PIP5K1C: variants seen among roughly 807,000 people sequenced by gnomAD.
PIP5K1C encodes the protein phosphatidylinositol-4-phosphate 5-kinase type 1 gamma, also known as phosphatidylinositol 4-phosphate 5-kinase type-1 gamma.
In PIP5K1C, 45 loss-of-function variants were observed where a neutral mutation model predicts 80.1. The ratio of observed to expected loss-of-function variants is 0.56; its 90% CI spans 0.44 to 0.72. The LOEUF (loss-of-function observed/expected upper bound fraction) is 0.72. Ranked by LOEUF, PIP5K1C falls within the 30% of genes least tolerant of loss-of-function variation. The pLI is 0.00. For synonymous variants in PIP5K1C, 498 were observed against 420.1 expected, an observed-to-expected ratio of 1.19 and a Z score of -2.27; for missense variants, 753 against 954.6, an observed-to-expected ratio of 0.79 and a Z score of 2.78.
intron 9 of PIP5K1C, among the ~76,000 whole-genome samples, chr19:3,647,924 G>A (rs997035625): frequency 2.0e-5 from 3 of 152,238 alleles, no homozygotes; most frequent in African/African-American, 7.2e-5. Flanking sequence ...TTCGGCCTGA[G>A]TGACAGAGCG....
intron 1 of PIP5K1C, among the ~76,000 whole-genome samples, chr19:3,687,161 C>A (rs920598386): frequency 6.6e-6 from 1 of 152,158 alleles, no homozygotes; most frequent in Admixed American, 6.5e-5. Context: ...CCACTGCACT[C>A]CAGCCTGGGT....
intron 1 of PIP5K1C, among the ~76,000 whole-genome samples, chr19:3,683,511 T>G (rs938720454): frequency 6.6e-6 from 1 of 152,190 alleles, no homozygotes; most frequent in African/African-American, 2.4e-5. Context: ...GAGAACCCCA[T>G]GGCTTAGTCA....
At chr19:3,636,304 C>G in intron 16 of PIP5K1C, 1 of 854,630 alleles carries the variant, frequency 1.2e-6, no homozygotes, top group East Asian at 1.2e-4. Context: ...CGGGTGACCC[C>G]AGGAAGACCA....
chr19:3,647,162 T>G (rs1395473098), intron 10 of PIP5K1C, among the ~76,000 whole-genome samples, 176 bp downstream of exon 10: 1 of 86,528 alleles, frequency 1.2e-5, no homozygotes, highest in African/African-American at 5.0e-5. Context: ...GTGCAGGCAC[T>G]CACAGAGGAG....
chr19:3,695,368 C>T (rs928350696), intron 1 of PIP5K1C, among the ~76,000 whole-genome samples: 9 of 152,328 alleles, frequency 5.9e-5, no homozygotes, highest in African/African-American at 9.6e-5. Flanking sequence ...CAACCTGGGA[C>T]GGAGGGGGCA....
intron 1 of PIP5K1C, among the ~76,000 whole-genome samples, chr19:3,686,591 G>A (rs562711324): frequency 2.0e-5 from 3 of 151,734 alleles, no homozygotes; most frequent in African/African-American, 7.3e-5. Flanking sequence ...GATGGCGGGC[G>A]CCTGTAATCC....
At chr19:3,666,783 GCACA>G (rs1004264753) in intron 2 of PIP5K1C, among the ~76,000 whole-genome samples, 7 of 151,698 alleles carry the variant, frequency 4.6e-5, no homozygotes, top group African/African-American at 1.5e-4. Context: ...AGGCAAACAT[GCACA>G]CACACAAACG....
At chr19:3,653,713 A>G (rs2034529628) in intron 6 of PIP5K1C, 124 bp from the exon 7 acceptor site, 1 of 901,548 alleles carries the variant, frequency 1.1e-6, no homozygotes, top group African/African-American at 1.7e-5. Flanking sequence ...CTCTCCCCAG[A>G]AGCCCTCGGG....
chr19:3,651,689 C>G (rs2034456731), intron 8 of PIP5K1C, 137 bp downstream of exon 8: 1 of 879,688 alleles, frequency 1.1e-6, no homozygotes, highest in South Asian at 1.5e-5. Context: ...TGGCACAAGG[C>G]TCCCAGACTC....
At chr19:3,654,758 G>A (rs565601774) in intron 6 of PIP5K1C, among the ~76,000 whole-genome samples, 22 of 151,070 alleles carry the variant, frequency 1.5e-4, no homozygotes, top group African/African-American at 5.1e-4. Flanking sequence ...AGGTTGCAGT[G>A]AGCCGAGATT....
At position 3,630,196 on chromosome 19, in the gene PIP5K1C, A is replaced by G. The variant is rs1394479428; in HGVS notation, c.*2971T>C. 1 of 152,380 alleles carries G rather than the reference A, an allele frequency of 6.6e-6. No homozygotes were observed. The highest frequency in any genetic ancestry group is 1.5e-5 in the Non-Finnish European group (1 of 68,036). The allele number at this position is 152,380 out of a possible 1,614,324, so 9.4% of individuals were successfully genotyped here. On this transcript the variant is annotated 3_prime_UTR_variant, in exon 18 of 18. Transcript: ENST00000335312. ...CAAACAGGCGGATGCTTATTACCCG[A>G]TTTATTAGAGAGATCTCTAAAAAGA...
intron 1 of PIP5K1C, among the ~76,000 whole-genome samples, chr19:3,673,485 G>C (rs2035272108): frequency 6.6e-6 from 1 of 152,210 alleles, no homozygotes; most frequent in Non-Finnish European, 1.5e-5. Context: ...GTGAGAAAGG[G>C]GCGGCAGTGG....
At chr19:3,694,190 C>T (rs1202671607) in intron 1 of PIP5K1C, among the ~76,000 whole-genome samples, 2 of 140,930 alleles carry the variant, frequency 1.4e-5, no homozygotes, top group Admixed American at 7.7e-5. Context: ...CCAGCCCGGG[C>T]GAGACAGCGA....
At chr19:3,693,405 G>A (rs2036001828) in intron 1 of PIP5K1C, among the ~76,000 whole-genome samples, 1 of 152,174 alleles carries the variant, frequency 6.6e-6, no homozygotes, top group Admixed American at 6.5e-5. Context: ...GCCTCTCAGG[G>A]TGGCGGGGAG....
intron 1 of PIP5K1C, among the ~76,000 whole-genome samples, chr19:3,679,373 C>A (rs1422509071): frequency 6.6e-6 from 1 of 152,176 alleles, no homozygotes; most frequent in Non-Finnish European, 1.5e-5. Context: ...GCTTGGCCGG[C>A]TCCTGTCCTC....
chr19:3,664,762 G>T, intron 3 of PIP5K1C, 60 bp downstream of exon 3: 1 of 1,365,112 alleles, frequency 7.3e-7, no homozygotes, highest in Non-Finnish European at 1.0e-6. Context: ...CTACCAGTGG[G>T]ATCCCCCTCC....
intron 3 of PIP5K1C, among the ~76,000 whole-genome samples, chr19:3,664,392 A>G (rs2034938090): frequency 6.6e-6 from 1 of 152,164 alleles, no homozygotes; most frequent in Admixed American, 6.5e-5. Context: ...GTTACTTTTG[A>G]AAAAACAGGC....
At chr19:3,682,984 C>T (rs1361038698) in intron 1 of PIP5K1C, among the ~76,000 whole-genome samples, 2 of 150,404 alleles carry the variant, frequency 1.3e-5, no homozygotes, top group African/African-American at 4.9e-5. Context: ...CCTCTCCTCC[C>T]CCTCCCTCCC....
intron 16 of PIP5K1C, among the ~76,000 whole-genome samples, chr19:3,634,374 CTTG>C (rs1464810188): frequency 2.0e-5 from 3 of 151,920 alleles, no homozygotes; most frequent in Non-Finnish European, 2.9e-5. Flanking sequence ...CCCTGTCTTC[CTTG>C]TTGTGTCCTC....
Sources: gnomAD v4.1 joint callset for allele counts (sites outside exome capture counted in the v4.1 genomes callset) on GRCh38, gnomAD v4.1.1 for gene constraint, MANE v1.5 for transcripts, NCBI Gene and HGNC (gene_info 2026-07-23, HGNC 2026-07-21) for gene names.